The following FOXP1 variants were observed in gnomAD, a reference collection of about 807,000 sequenced individuals.
FOXP1 encodes forkhead box protein P1.
FOXP1 carries 15 observed loss-of-function variants against 98.2 expected under a neutral mutation model. The observed-to-expected ratio is 0.15, with a 90% CI of 0.10 to 0.24. The LOEUF (loss-of-function observed/expected upper bound fraction) is 0.24. Ranked by LOEUF, FOXP1 falls within the 10% of genes least tolerant of loss-of-function variation. The probability of loss-of-function intolerance (pLI) is 1.00; values close to 1 mark genes in which losing one functional copy is unlikely to be tolerated. For missense variants in FOXP1, 633 were observed against 848.5 expected (o/e 0.75, Z 3.15); for synonymous variants, 371 against 314.5 (o/e 1.18, Z -1.90).
At chr3:71,086,177 C>T (rs533525755) in intron 7 of FOXP1, among the ~76,000 whole-genome samples, 23 of 152,276 alleles carry the variant, frequency 1.5e-4, no homozygotes, top group Non-Finnish European at 2.9e-4. Flanking sequence ...CTGCAAATAT[C>T]GGATTGAAAT....
rs527717027 is a variant in FOXP1, at chr3:70,967,193, C to T, written c.1723-1137G>A. Among the ~76,000 whole-genome samples, 5 of 152,216 alleles carry T rather than the reference C, an allele frequency of 3.3e-5. No individual in the cohort carries two copies. The South Asian group carries it at 6.2e-4, about 19-fold the overall frequency. On this transcript the variant is annotated intron_variant, in intron 19 of 20. Transcript: ENST00000649528. Reference sequence around the variant, plus strand: ...TCCACTGGCCAGTCATACAAGAGTCCGAACTATTCTAGAAATCCTGGCTCT... The same window carrying T: ...TCCACTGGCCAGTCATACAAGAGTCTGAACTATTCTAGAAATCCTGGCTCT...
intron 4 of FOXP1, among the ~76,000 whole-genome samples, chr3:71,321,098 CA>C (rs1263026149): frequency 1.4e-5 from 2 of 138,262 alleles, no homozygotes; most frequent in Non-Finnish European, 3.0e-5. Context: ...CCGCTACTAA[CA>C]GTGTCCTAAT....
chr3:71,424,013 G>A (rs1295466380), intron 3 of FOXP1, among the ~76,000 whole-genome samples: 3 of 152,090 alleles, frequency 2.0e-5, no homozygotes, highest in Admixed American at 1.3e-4. Flanking sequence ...AGGTTTATCT[G>A]GAATTCTTGG....
At chr3:71,487,174 C>T (rs1380542306) in intron 3 of FOXP1, among the ~76,000 whole-genome samples, 2 of 151,866 alleles carry the variant, frequency 1.3e-5, no homozygotes, top group Non-Finnish European at 2.9e-5. Flanking sequence ...AAAAACACTA[C>T]AAAACTATAA....
intron 2 of FOXP1, among the ~76,000 whole-genome samples, chr3:71,578,185 C>A (rs554525538): frequency 6.6e-6 from 1 of 152,142 alleles, no homozygotes; most frequent in Non-Finnish European, 1.5e-5. Context: ...CTTGAAGTTG[C>A]AATTAAATTG....
At chr3:71,057,981 ACT>A (rs1170571677) in intron 7 of FOXP1, among the ~76,000 whole-genome samples, 1 of 152,040 alleles carries the variant, frequency 6.6e-6, no homozygotes, top group Admixed American at 6.6e-5. Context: ...CTTCAAAATG[ACT>A]CTCTATCATC....
chr3:71,240,985 C>A lies in FOXP1; in HGVS notation c.-11-42593G>T, dbSNP rs191649745. On this transcript the variant is annotated intron_variant, in intron 5 of 20. Transcript: ENST00000649528. ...CAGCACTTTGGGAGGCTTAGGCGGG[C>A]GGATCACGAGGTCAGGAGTTCGAGA... 4.4e-3 allele frequency among the ~76,000 whole-genome samples: 663 copies of A among 151,504 alleles called. 5 individuals carry two copies. The highest frequency in any genetic ancestry group is 0.015 in the African/African-American group (617 of 41,336).
chr3:71,303,399 T>C (rs188062921), intron 4 of FOXP1, among the ~76,000 whole-genome samples: 5 of 152,248 alleles, frequency 3.3e-5, no homozygotes, highest in African/African-American at 9.6e-5. Flanking sequence ...GACACTTTCT[T>C]ACTAGGAAAC....
At chr3:70,982,551 G>A (rs1461721180) in intron 14 of FOXP1, among the ~76,000 whole-genome samples, 2 of 152,068 alleles carry the variant, frequency 1.3e-5, no homozygotes, top group Non-Finnish European at 2.9e-5. Flanking sequence ...TTGAAACTCT[G>A]GCCAAAAGTT....
At chr3:71,353,339 C>T (rs1388017428) in intron 4 of FOXP1, among the ~76,000 whole-genome samples, 1 of 152,148 alleles carries the variant, frequency 6.6e-6, no homozygotes, top group African/African-American at 2.4e-5. Flanking sequence ...TCATATTACA[C>T]GGATCTGTTT....
intron 7 of FOXP1, among the ~76,000 whole-genome samples, chr3:71,095,365 T>C (rs964677876): frequency 3.3e-5 from 5 of 152,194 alleles, no homozygotes; most frequent in Admixed American, 6.5e-5. Flanking sequence ...TGGAACATGC[T>C]GTAGTAAGGT....
chr3:71,497,130 T>A lies in FOXP1; in HGVS notation c.-297-3575A>T, dbSNP rs139747650. The stretch of plus-strand genomic sequence containing the variant: ...AAATACCAGAAGATAGATACCCAAA[T>A]AAATTATCCTTTCCACAGTACAGAG... On this transcript the variant is annotated intron_variant, in intron 2 of 20. Coordinates refer to ENST00000649528, the MANE Select transcript of FOXP1 (RefSeq NM_001349338.3). Among the ~76,000 whole-genome samples, 1,251 of 150,898 alleles carry A rather than the reference T, an allele frequency of 8.3e-3. 17 individuals carry two copies. The highest frequency in any genetic ancestry group is 0.029 in the African/African-American group (1,194 of 41,114).
At chr3:71,091,044 G>A (rs532215803) in intron 7 of FOXP1, among the ~76,000 whole-genome samples, 2 of 150,426 alleles carry the variant, frequency 1.3e-5, no homozygotes, top group Non-Finnish European at 3.0e-5. Context: ...ATAATGATCA[G>A]AACAACAGCT....
chr3:71,174,108 G>A, intron 6 of FOXP1, among the ~76,000 whole-genome samples: 1 of 152,208 alleles, frequency 6.6e-6, no homozygotes, highest in East Asian at 1.9e-4. Flanking sequence ...CATTATTTAT[G>A]TAAGATCTAT....
chr3:71,284,665 A>G (rs1389844612), intron 5 of FOXP1, among the ~76,000 whole-genome samples: 6 of 152,298 alleles, frequency 3.9e-5, no homozygotes, highest in Non-Finnish European at 5.9e-5. Context: ...AGTTCTTTAA[A>G]TTTTATTGTA....
intron 3 of FOXP1, chr3:71,360,539 C>T (rs748045629): frequency 6.6e-6 from 1 of 152,184 alleles, no homozygotes. Flanking sequence ...TCCTCAAGCA[C>T]TTTCAGAAAG....
intron 5 of FOXP1, among the ~76,000 whole-genome samples, chr3:71,294,323 C>T (rs925682479): frequency 1.1e-4 from 17 of 152,180 alleles, no homozygotes; most frequent in Non-Finnish European, 2.4e-4. Flanking sequence ...ACATTCACAA[C>T]AGCATATAAG....
At chr3:71,162,826 C>T (rs1037401978) in intron 6 of FOXP1, among the ~76,000 whole-genome samples, 1 of 152,184 alleles carries the variant, frequency 6.6e-6, no homozygotes, top group Non-Finnish European at 1.5e-5. Flanking sequence ...GATAGTCTAG[C>T]TACTGGGTAC....
intron 3 of FOXP1, among the ~76,000 whole-genome samples, chr3:71,374,438 C>G (rs1399907965): frequency 6.6e-6 from 1 of 151,902 alleles, no homozygotes; most frequent in African/African-American, 2.4e-5. Flanking sequence ...ACTAAAAATA[C>G]AAAAATTAGC....
Sources: allele counts gnomAD v4.1 joint callset (sites outside exome capture counted in the v4.1 genomes callset), GRCh38; gene constraint gnomAD v4.1.1; transcripts MANE v1.5; gene names NCBI Gene and HGNC (gene_info 2026-07-23, HGNC 2026-07-21).